ZFPM1: variants seen among roughly 807,000 people sequenced by gnomAD.
The protein encoded by ZFPM1 is zinc finger protein ZFPM1.
ZFPM1 carries 28 observed loss-of-function variants against 46.3 expected under a neutral mutation model. That is an observed-to-expected ratio of 0.60 (90% CI 0.45 to 0.83). ZFPM1 has a LOEUF of 0.83. ZFPM1 is among the 40% of genes least tolerant of loss of function. ZFPM1 has a pLI of 0.00. For missense variants in ZFPM1, 1,878 were observed against 1,432.4 expected (o/e 1.31, Z -5.02); for synonymous variants, 957 against 675.9 (o/e 1.42, Z -6.45).
Position 88,536,024 on chromosome 16 carries a change from C to G in ZFPM1, c.*1045C>G, listed in dbSNP as rs921126367. ...CAGGCTGGAGTCCCTGGGATACTCA[C>G]GGCTCATTGCAGCCTTGACCTCGTG... is the stretch of plus-strand genomic sequence containing the variant. On this transcript the variant is annotated 3_prime_UTR_variant, in exon 10 of 10. Transcript: ENST00000319555. 2 of 152,128 alleles carry G rather than the reference C, an allele frequency of 1.3e-5. No homozygotes were observed. Among genetic ancestry groups the G allele is most frequent in the African/African-American group, 4.8e-5 (2 of 41,404 alleles). 9.4% of individuals were successfully genotyped at this position (152,128 alleles called of 1,614,324 possible). A position where few individuals can be genotyped will look rare whatever the true frequency, so the allele number is the denominator to read the frequency against.
upstream of ZFPM1, among the ~76,000 whole-genome samples, chr16:88,452,836 T>A (rs1278737539): frequency 6.6e-6 from 1 of 151,992 alleles, no homozygotes; most frequent in African/African-American, 2.4e-5. Flanking sequence ...GGGCGCAGGA[T>A]GCGGTGCCGC....
intron 1 of ZFPM1, among the ~76,000 whole-genome samples, chr16:88,482,037 C>T (rs540686711): frequency 6.6e-6 from 1 of 152,196 alleles, no homozygotes; most frequent in Non-Finnish European, 1.5e-5. Context: ...GTGACTTGCT[C>T]GAGGTCACAC....
At chr16:88,486,732 G>T (rs897772795) in intron 2 of ZFPM1, among the ~76,000 whole-genome samples, 1 of 149,828 alleles carries the variant, frequency 6.7e-6, no homozygotes, top group African/African-American at 2.5e-5. Flanking sequence ...TGGATGCTGG[G>T]TGCACAGCGG....
At chr16:88,479,608 C>G (rs1285408314) in intron 1 of ZFPM1, among the ~76,000 whole-genome samples, 2 of 152,224 alleles carry the variant, frequency 1.3e-5, no homozygotes, top group East Asian at 1.9e-4. Flanking sequence ...AAGTCTGAAT[C>G]TGTTGCTATT....
chr16:88,463,996 A>G (rs1435948914), intron 1 of ZFPM1, among the ~76,000 whole-genome samples: 1 of 152,170 alleles, frequency 6.6e-6, no homozygotes, highest in Admixed American at 6.5e-5. Context: ...GAAGTCCCAG[A>G]CCATGGGATG....
intron 3 of ZFPM1, among the ~76,000 whole-genome samples, chr16:88,494,361 C>G (rs1909805889): frequency 6.6e-6 from 1 of 152,006 alleles, no homozygotes; most frequent in Non-Finnish European, 1.5e-5. Context: ...CCTCTCAGCA[C>G]CAGGGAGGCT....
At chr16:88,479,295 C>G (rs1459333299) in intron 1 of ZFPM1, among the ~76,000 whole-genome samples, 3 of 152,114 alleles carry the variant, frequency 2.0e-5, no homozygotes, top group African/African-American at 4.8e-5. Flanking sequence ...TTCGGTTTCC[C>G]TGCTTGGCGA....
Position 88,532,233 on chromosome 16 carries a change from G to T in ZFPM1, c.944G>T (p.Ser315Ile). ...SSLEIHMRSH[S>I]GERPFVCLIC... ...CTGGAGATCCACATGCGCAGCCACA[G>T]CGGTGAGCCCCCACCCCGGACGCGG... The change falls in exon 7 of 10, where the codon AGC becomes ATC. Residue 315 changes from serine to isoleucine, a missense_variant and splice_region_variant. Coordinates refer to ENST00000319555, the MANE Select transcript of ZFPM1 (RefSeq NM_153813.3). The T allele has an allele frequency of 1.3e-6, 2 of 1,598,400 alleles. No individual in the cohort carries two copies. The highest frequency in any genetic ancestry group is 1.7e-6 in the Non-Finnish European group (2 of 1,169,604).
chr16:88,531,075 T>G (rs1300906375), intron 6 of ZFPM1: 1 of 152,210 alleles, frequency 6.6e-6, no homozygotes, highest in Non-Finnish European at 1.5e-5. Context: ...AGCACTAACC[T>G]GCAGAGGCAG....
rs148992271 is a variant in ZFPM1, at chr16:88,462,117, G to C, written c.40+8439G>C. Among the ~76,000 whole-genome samples the C allele has an allele frequency of 3.9e-5, 6 of 152,324 alleles. 1 individual carries two copies. In the South Asian group the frequency reaches 6.2e-4, roughly 16 times the overall value. On this transcript the variant is annotated intron_variant, in intron 1 of 9. Coordinates refer to ENST00000319555, the MANE Select transcript of ZFPM1 (RefSeq NM_153813.3). ...GTGGTGGCTGATCTTGGGCAGAGCC[G>C]CGTGAGCAGATAAGCAGGCCCCTCC...
chr16:88,485,417 G>A (rs1017176870), intron 1 of ZFPM1, among the ~76,000 whole-genome samples: 3 of 151,848 alleles, frequency 2.0e-5, no homozygotes, highest in African/African-American at 7.3e-5. Context: ...CAGAGGGTGG[G>A]GGTTCGTCAA....
At chr16:88,478,031 C>A (rs1477483641) in intron 1 of ZFPM1, among the ~76,000 whole-genome samples, 4 of 152,092 alleles carry the variant, frequency 2.6e-5, no homozygotes, top group Admixed American at 6.5e-5. Flanking sequence ...GCACGAGCTC[C>A]CCATGGCAGG....
chr16:88,519,795 GGGTGGATGATGGACA>G (rs1911681557), intron 4 of ZFPM1, among the ~76,000 whole-genome samples: 1 of 151,656 alleles, frequency 6.6e-6, no homozygotes, highest in African/African-American at 2.4e-5. Flanking sequence ...GAGGGTGGGT[GGGTGGATGATGGACA>G]GGTGGATGAA....
chr16:88,532,670 T>G lies in ZFPM1; in HGVS notation c.1003T>G (p.Cys335Gly), dbSNP rs776880147. 1 of 1,603,636 alleles carries G rather than the reference T, an allele frequency of 6.2e-7. No individual in the cohort carries two copies. Among genetic ancestry groups the G allele is most frequent in the Admixed American group, 1.7e-5 (1 of 58,296 alleles). ...GTCGGCCTTCACCACCAAGGCCAAC[T>G]GCGAGCGGCACCTCAAGGTGCACAC... Reference protein sequence around the residue: ...CLSAFTTKANCERHLKVHTDT... With the variant: ...CLSAFTTKANGERHLKVHTDT... Residue 335 changes from cysteine to glycine, a missense_variant, in exon 8 of 10, where the codon TGC becomes GGC. Cys to Gly is a radical substitution (Grantham distance 159, BLOSUM62 -3). Transcript: ENST00000319555.
chr16:88,508,962 A>G (rs1910806303), intron 3 of ZFPM1, among the ~76,000 whole-genome samples: 1 of 152,186 alleles, frequency 6.6e-6, no homozygotes, highest in African/African-American at 2.4e-5. Flanking sequence ...GCGGCGCGTC[A>G]TCGTGGACAG....
chr16:88,533,144 G>A lies in ZFPM1; in HGVS notation c.1190-4G>A. Reference sequence around the variant, plus strand: ...GAGGTGCCACCCCTGCGATCTCTCTGCAGACAGTCTGGGCAGCTTCCAGCA... The same window carrying A: ...GAGGTGCCACCCCTGCGATCTCTCTACAGACAGTCTGGGCAGCTTCCAGCA... On this transcript the variant is annotated splice_region_variant and splice_polypyrimidine_tract_variant and intron_variant, in intron 9 of 9. Coordinates refer to ENST00000319555, the MANE Select transcript of ZFPM1 (RefSeq NM_153813.3). 1 of 1,491,526 alleles carries A rather than the reference G, an allele frequency of 6.7e-7. No homozygotes were observed. The allele number at this position is 1,491,526 out of a possible 1,614,324, so 92.4% of individuals were successfully genotyped here. A position where few individuals can be genotyped will look rare whatever the true frequency, so the allele number is the denominator to read the frequency against.
At position 88,501,657 on chromosome 16, in the gene ZFPM1, G is replaced by A. The variant is rs1322962752; in HGVS notation, c.268+12504G>A. ...TGGGTGCGTGGGCCATCGCGCAGGT[G>A]CTGGTGATGATAGAGATAGCGGGTG... On this transcript the variant is annotated intron_variant, in intron 3 of 9. Coordinates refer to ENST00000319555, the MANE Select transcript of ZFPM1 (RefSeq NM_153813.3). 3.6e-4 allele frequency among the ~76,000 whole-genome samples: 49 copies of A among 134,806 alleles called. 4 individuals carry two copies. The highest frequency in any genetic ancestry group is 1.4e-3 in the African/African-American group (48 of 34,484). 88.4% of individuals were successfully genotyped at this position (134,806 alleles called of 152,430 possible). A position where few individuals can be genotyped will look rare whatever the true frequency, so the allele number is the denominator to read the frequency against.
intron 4 of ZFPM1, among the ~76,000 whole-genome samples, chr16:88,515,458 CAG>C (rs1381598818): frequency 6.6e-6 from 1 of 152,260 alleles, no homozygotes; most frequent in Non-Finnish European, 1.5e-5. Flanking sequence ...GGGTGAGACA[CAG>C]GGGCGCCTAA....
At position 88,462,482 on chromosome 16, in the gene ZFPM1, G is replaced by C. The variant is rs1875244; in HGVS notation, c.40+8804G>C. Among the ~76,000 whole-genome samples the C allele has an allele frequency of 7.1e-3, 1,080 of 152,388 alleles. 10 individuals carry two copies. The highest frequency in any genetic ancestry group is 0.025 in the African/African-American group (1,021 of 41,596). On this transcript the variant is annotated intron_variant, in intron 1 of 9. Transcript: ENST00000319555. The stretch of plus-strand genomic sequence containing the variant: ...CTGCGCTAGAGTCTCACAGCACACA[G>C]TGGTGCTCTGGCTGTGGAGGCAGCG...
Sources: gnomAD v4.1 joint callset for allele counts (sites outside exome capture counted in the v4.1 genomes callset) on GRCh38, gnomAD v4.1.1 for gene constraint, MANE v1.5 for transcripts, NCBI Gene and HGNC (gene_info 2026-07-23, HGNC 2026-07-21) for gene names.